ANTXRL: variants seen among roughly 807,000 people sequenced by gnomAD.
The protein encoded by ANTXRL is ANTXR like, also known as anthrax toxin receptor-like.
ANTXRL carries 63 observed loss-of-function variants against 75.4 expected under a neutral mutation model. The ratio of observed to expected loss-of-function variants is 0.84; its 90% CI spans 0.68 to 1.03. The LOEUF (loss-of-function observed/expected upper bound fraction) is 1.03. Ranked by LOEUF, ANTXRL falls within the 50% of genes least tolerant of loss-of-function variation. ANTXRL has a pLI of 0.00. For synonymous variants in ANTXRL, 335 were observed against 291.3 expected, an observed-to-expected ratio of 1.15 and a Z score of -1.53; for missense variants, 797 against 789.4, an observed-to-expected ratio of 1.01 and a Z score of -0.12.
intron 16 of ANTXRL, among the ~76,000 whole-genome samples, chr10:46,314,549 T>A (rs557619176): frequency 6.6e-6 from 1 of 151,926 alleles, no homozygotes; most frequent in Admixed American, 6.6e-5. Context: ...GAAATGGCCT[T>A]ACTGTCCAGT....
At chr10:46,324,490 T>G (rs1210591990) in intron 16 of ANTXRL, among the ~76,000 whole-genome samples, 1 of 152,142 alleles carries the variant, frequency 6.6e-6, no homozygotes, top group African/African-American at 2.4e-5. Context: ...CCATTTGGCT[T>G]TTTAACTGGT....
intron 10 of ANTXRL, among the ~76,000 whole-genome samples, chr10:46,303,277 C>T (rs1475959661): frequency 6.6e-6 from 1 of 152,190 alleles, no homozygotes; most frequent in East Asian, 1.9e-4. Context: ...AGGATGCCAG[C>T]CTGTAGGCCT....
chr10:46,293,372 CTGTGTGTGAGTGTGTGCCTG>C (rs1346139379), intron 2 of ANTXRL, among the ~76,000 whole-genome samples: 46 of 106,866 alleles, frequency 4.3e-4, no homozygotes, highest in East Asian at 3.9e-3. Context: ...GTGAGTGTGC[CTGTGTGTGAGTGTGTGCCTG>C]TGTGTGTGAG....
intron 16 of ANTXRL, among the ~76,000 whole-genome samples, chr10:46,319,429 G>C (rs1385444707): frequency 6.6e-6 from 1 of 152,122 alleles, no homozygotes; most frequent in Non-Finnish European, 1.5e-5. Context: ...GGGTTCAGTG[G>C]ACCACGGGGA....
At chr10:46,300,338 G>A (rs1480052595) in intron 9 of ANTXRL, among the ~76,000 whole-genome samples, 2 of 152,130 alleles carry the variant, frequency 1.3e-5, no homozygotes, top group Non-Finnish European at 2.9e-5. Context: ...GAGAAGCCAG[G>A]AGGTCTCCAG....
intron 9 of ANTXRL, among the ~76,000 whole-genome samples, chr10:46,300,518 T>G (rs1400945440): frequency 1.3e-5 from 2 of 151,762 alleles, no homozygotes; most frequent in African/African-American, 4.9e-5. Flanking sequence ...CATCTCCCTC[T>G]CCAGCCTGGC....
rs572296425 is a variant in ANTXRL at position 46,327,435 on chromosome 10, G to A, written c.1411-2164G>A. 1.2e-4 allele frequency among the ~76,000 whole-genome samples: 18 copies of A among 152,200 alleles called. No individual in the cohort carries two copies. The East Asian group carries it at 3.5e-3, about 30-fold the overall frequency. ...GGAAGCCTGAATCCCTGAACAGGTGGCAGGAGCCCAATCGGGCATGAAGGA... is the reference window on the plus strand; with the variant it reads ...GGAAGCCTGAATCCCTGAACAGGTGACAGGAGCCCAATCGGGCATGAAGGA... On this transcript the variant is annotated intron_variant, in intron 16 of 16. Coordinates refer to ENST00000620264, the MANE Select transcript of ANTXRL (RefSeq NM_001278688.3).
chr10:46,303,039 C>A (rs1236832309), intron 10 of ANTXRL, among the ~76,000 whole-genome samples: 3 of 152,138 alleles, frequency 2.0e-5, no homozygotes, highest in Non-Finnish European at 4.4e-5. Context: ...GCCTCAAGAG[C>A]ATCTTACATC....
At chr10:46,328,595 C>T (rs1429780878) in intron 16 of ANTXRL, among the ~76,000 whole-genome samples, 3 of 152,028 alleles carry the variant, frequency 2.0e-5, no homozygotes, top group Non-Finnish European at 4.4e-5. Context: ...GGGAAAAGGT[C>T]ATTTTACAAC....
intron 12 of ANTXRL, chr10:46,308,413 C>A (rs1554962517): frequency 3.0e-6 from 1 of 328,670 alleles, no homozygotes; most frequent in Admixed American, 3.9e-5. Context: ...CCCTCCCCTC[C>A]CCTCCCCTCC....
At chr10:46,291,820 C>T (rs1487571356) in intron 1 of ANTXRL, among the ~76,000 whole-genome samples, 2 of 152,142 alleles carry the variant, frequency 1.3e-5, no homozygotes, top group Non-Finnish European at 2.9e-5. Flanking sequence ...CCCCACATCC[C>T]AGGAAGCTCC....
At chr10:46,313,963 T>C (rs2132841574) in intron 16 of ANTXRL, among the ~76,000 whole-genome samples, 1 of 152,348 alleles carries the variant, frequency 6.6e-6, no homozygotes, top group Middle Eastern at 3.4e-3. Context: ...GCTTCTCTGC[T>C]TAGGCCCTGG....
In ANTXRL at chr10:46,329,868, C is replaced by A. The variant is rs782389062; in HGVS notation, c.1680C>A (p.Ser560Arg). Residue 560 changes from serine (S) to arginine (R), a missense_variant, in exon 17 of 17, where the codon AGC becomes AGA. Physicochemically the swap from Ser to Arg is moderately radical, Grantham distance 110. Coordinates refer to ENST00000620264, the MANE Select transcript of ANTXRL (RefSeq NM_001278688.3). ...GCCCAAGGATCTGCCTGAGACACAG[C>A]CCGGAGTACTTTTCCCAAGCACAGA... ...PCSPRICLRHSPEYFSQAQTL... is the reference protein window; with the variant it reads ...PCSPRICLRHRPEYFSQAQTL... 18 of 1,535,300 alleles carry A rather than the reference C, an allele frequency of 1.2e-5. No individual in the cohort carries two copies. The highest frequency in any genetic ancestry group is 1.2e-5 in the Non-Finnish European group (14 of 1,146,344).
At chr10:46,293,458 G>GTA (rs1837155986) in intron 2 of ANTXRL, among the ~76,000 whole-genome samples, 1 of 100,508 alleles carries the variant, frequency 9.9e-6, no homozygotes, top group Non-Finnish European at 2.6e-5. Context: ...GGGTGCATGT[G>GTA]TGAGTGTGTG....
intron 16 of ANTXRL, among the ~76,000 whole-genome samples, chr10:46,319,567 T>C (rs1463730146): frequency 6.6e-6 from 1 of 152,256 alleles, no homozygotes. Context: ...AGCTCAACAG[T>C]GTTTAAGTTG....
In ANTXRL at chr10:46,293,831, C is replaced by G. The variant is rs538007435; in HGVS notation, c.323C>G (p.Pro108Arg). ...VEETVARFQS[P>R]NIRMCFITYS... ...ACCAGCACATGATTCCTTCACAGCC[C>G]AAATATTCGGATGTGCTTCATCACC... The change falls in exon 3 of 17, where the codon CCA becomes CGA. Residue 108 changes from proline to arginine, a missense_variant and splice_region_variant. Pro to Arg is a moderately radical substitution (Grantham distance 103). Coordinates refer to ENST00000620264, the MANE Select transcript of ANTXRL (RefSeq NM_001278688.3). 6.5e-7 allele frequency: 1 copy of G among 1,535,574 alleles called. No individual in the cohort carries two copies. Among genetic ancestry groups the G allele is most frequent in the Non-Finnish European group, 8.7e-7 (1 of 1,146,580 alleles).
intron 16 of ANTXRL, among the ~76,000 whole-genome samples, chr10:46,329,366 G>A (rs536525804): frequency 6.6e-6 from 1 of 152,140 alleles, no homozygotes; most frequent in Non-Finnish European, 1.5e-5. Flanking sequence ...TCCAGAGTCA[G>A]AGACCCAAGG....
chr10:46,302,020 C>T (rs1274079782), intron 9 of ANTXRL, among the ~76,000 whole-genome samples: 3 of 152,180 alleles, frequency 2.0e-5, no homozygotes, highest in Non-Finnish European at 2.9e-5. Context: ...GGACACACTC[C>T]TTGAGCCTCA....
intron 15 of ANTXRL, among the ~76,000 whole-genome samples, chr10:46,312,876 G>C (rs562789806): frequency 3.7e-4 from 56 of 151,878 alleles, no homozygotes; most frequent in Non-Finnish European, 7.4e-4. Context: ...CAGCAGCAAG[G>C]CTCCTTCTCC....
Sources: gnomAD v4.1 joint callset for allele counts (sites outside exome capture counted in the v4.1 genomes callset) on GRCh38, gnomAD v4.1.1 for gene constraint, MANE v1.5 for transcripts, NCBI Gene and HGNC (gene_info 2026-07-23, HGNC 2026-07-21) for gene names.